The following CDK19 variants were observed in gnomAD, a reference collection of about 807,000 sequenced individuals.
CDK19 encodes the protein cyclin-dependent kinase 19.
Under a neutral mutation model 68.3 loss-of-function variants are expected in CDK19, and 20 were observed. The ratio of observed to expected loss-of-function variants is 0.29; its 90% CI spans 0.21 to 0.43. The LOEUF is 0.43. Among genes scored for constraint, CDK19 ranks in the 20% least tolerant of loss-of-function variants. The pLI, the probability that CDK19 is intolerant of heterozygous loss-of-function variation, is 1.00. For synonymous variants in CDK19, 221 were observed against 222.8 expected, an observed-to-expected ratio of 0.99 and a Z score of 0.07; for missense variants, 339 against 623.5, an observed-to-expected ratio of 0.54 and a Z score of 4.86.
chr6:110,654,960 GA>G (rs1202000947), intron 4 of CDK19, among the ~76,000 whole-genome samples: 1 of 150,694 alleles, frequency 6.6e-6, no homozygotes, highest in Non-Finnish European at 1.5e-5. Flanking sequence ...AAAAAAGAAA[GA>G]AAGAAAGAAC....
At chr6:110,645,663 G>A (rs976208301) in intron 4 of CDK19, 14 of 333,954 alleles carry the variant, frequency 4.2e-5, no homozygotes, top group African/African-American at 3.0e-4. Context: ...AAATCCAGGG[G>A]TGGATAAGAC....
rs539392894 is a variant in CDK19 at position 110,622,667 on chromosome 6, C to A, written c.1031+148G>T. On this transcript the variant is annotated intron_variant, in intron 10 of 12. Transcript: ENST00000368911. ...TCCCTCTCTGCAGCTTTGCCTGTTTCAAAATGTGGAAGCTTGCTCTTGAGC... is the reference window on the plus strand; with the variant it reads ...TCCCTCTCTGCAGCTTTGCCTGTTTAAAAATGTGGAAGCTTGCTCTTGAGC... 43 of 605,198 alleles carry A rather than the reference C, an allele frequency of 7.1e-5. No individual in the cohort carries two copies. The South Asian group carries it at 8.5e-4, about 12-fold the overall frequency. 37.5% of individuals were successfully genotyped at this position (605,198 alleles called of 1,614,324 possible).
chr6:110,755,605 G>T (rs567136499), intron 1 of CDK19, among the ~76,000 whole-genome samples: 2 of 152,134 alleles, frequency 1.3e-5, no homozygotes, highest in South Asian at 4.1e-4. Flanking sequence ...AAAGTCCAAA[G>T]ATTAAGATCC....
At chr6:110,782,373 A>G (rs1258898314) in intron 1 of CDK19, among the ~76,000 whole-genome samples, 1 of 152,176 alleles carries the variant, frequency 6.6e-6, no homozygotes, top group African/African-American at 2.4e-5. Context: ...TAGCTCCTAA[A>G]TAAATCCCTT....
At chr6:110,734,520 G>GCTCGCTCTCTCTCTCTCTCTCTCTCT (rs991736850) in intron 2 of CDK19, among the ~76,000 whole-genome samples, 27 of 85,776 alleles carry the variant, frequency 3.1e-4, no homozygotes, top group East Asian at 1.1e-3. Flanking sequence ...GGTGAGCACT[G>GCTCGCTCTCTCTCTCTCTCTCTCTCT]CTCTCTCTCT....
At chr6:110,746,012 A>G (rs985757252) in intron 2 of CDK19, 114 bp downstream of exon 2, 14 of 486,462 alleles carry the variant, frequency 2.9e-5, no homozygotes, top group Non-Finnish European at 4.5e-5. Flanking sequence ...ATATTCTTAA[A>G]CTAACATATG....
At chr6:110,637,825 C>T (rs1008663605) in intron 5 of CDK19, among the ~76,000 whole-genome samples, 22 of 151,910 alleles carry the variant, frequency 1.4e-4, no homozygotes, top group African/African-American at 5.1e-4. Context: ...ACTAAATACA[C>T]AAAAAAATTA....
intron 2 of CDK19, among the ~76,000 whole-genome samples, chr6:110,685,779 A>C (rs915041162): frequency 2.0e-5 from 3 of 152,220 alleles, no homozygotes; most frequent in African/African-American, 7.2e-5. Context: ...TTTCCTGTAA[A>C]TAATTTATTT....
chr6:110,635,107 A>G (rs1354453631), intron 5 of CDK19, among the ~76,000 whole-genome samples: 3 of 152,216 alleles, frequency 2.0e-5, no homozygotes, highest in Non-Finnish European at 4.4e-5. Context: ...TAAGGTTAGT[A>G]AAATTCTGGT....
At chr6:110,699,227 C>T (rs759448048) in intron 2 of CDK19, among the ~76,000 whole-genome samples, 56 of 152,040 alleles carry the variant, frequency 3.7e-4, no homozygotes, top group Non-Finnish European at 7.9e-4. Flanking sequence ...GAGTTCAAGA[C>T]CAGCCTCGAC....
At chr6:110,803,301 G>A (rs891883533) in intron 1 of CDK19, among the ~76,000 whole-genome samples, 12 of 152,254 alleles carry the variant, frequency 7.9e-5, no homozygotes, top group African/African-American at 2.4e-4. Context: ...GGATGGTCTC[G>A]ATCTCCTGAC....
At chr6:110,740,958 G>C (rs1471495565) in intron 2 of CDK19, among the ~76,000 whole-genome samples, 4 of 151,948 alleles carry the variant, frequency 2.6e-5, no homozygotes, top group Non-Finnish European at 2.9e-5. Flanking sequence ...TTTCACCAGA[G>C]GGGCTCAACA....
In CDK19 at chr6:110,723,148, A is replaced by C. The variant is rs1005267224; in HGVS notation, c.204+22978T>G. Among the ~76,000 whole-genome samples the C allele has an allele frequency of 4.9e-5, 5 of 101,454 alleles. 1 individual carries two copies. Among genetic ancestry groups the C allele is most frequent in the Non-Finnish European group, 1.0e-4 (4 of 38,888 alleles). The allele number at this position is 101,454 out of a possible 152,430, so 66.6% of individuals were successfully genotyped here. ...TCAAGGCTTTGTCAAAAAAAACAAA[A>C]AACAAAAAAAAAAACGCAGATTTGT... On this transcript the variant is annotated intron_variant, in intron 2 of 12. Transcript: ENST00000368911.
intron 1 of CDK19, among the ~76,000 whole-genome samples, chr6:110,790,067 T>C (rs894722739): frequency 1.3e-5 from 2 of 152,198 alleles, no homozygotes; most frequent in Non-Finnish European, 2.9e-5. Flanking sequence ...AGCACCAATA[T>C]ATCAGATGCT....
At chr6:110,814,392 C>A (rs1783395213) in intron 1 of CDK19, among the ~76,000 whole-genome samples, 1 of 152,254 alleles carries the variant, frequency 6.6e-6, no homozygotes, top group African/African-American at 2.4e-5. Context: ...AATGAGAAAC[C>A]CGGGACGCCG....
chr6:110,764,424 C>G (rs1779433325), intron 1 of CDK19, among the ~76,000 whole-genome samples: 1 of 152,132 alleles, frequency 6.6e-6, no homozygotes, highest in African/African-American at 2.4e-5. Context: ...ATCAATGGAA[C>G]AGAATAGAGA....
intron 1 of CDK19, among the ~76,000 whole-genome samples, chr6:110,787,434 T>A (rs1291443997): frequency 6.6e-6 from 1 of 150,624 alleles, no homozygotes; most frequent in Non-Finnish European, 1.5e-5. Flanking sequence ...ATGTTTTTTT[T>A]GTTTTGTTTT....
At chr6:110,780,523 T>C (rs2115029637) in intron 1 of CDK19, among the ~76,000 whole-genome samples, 1 of 152,198 alleles carries the variant, frequency 6.6e-6, no homozygotes, top group Non-Finnish European at 1.5e-5. Flanking sequence ...CGGTAATACT[T>C]AAACTTCCTA....
chr6:110,777,846 C>T (rs1190713020), intron 1 of CDK19, among the ~76,000 whole-genome samples: 1 of 152,194 alleles, frequency 6.6e-6, no homozygotes, highest in Admixed American at 6.5e-5. Context: ...CTACAACAAG[C>T]TTGAAGGCAT....
Sources: gnomAD v4.1 joint callset for allele counts (sites outside exome capture counted in the v4.1 genomes callset) on GRCh38, gnomAD v4.1.1 for gene constraint, MANE v1.5 for transcripts, NCBI Gene and HGNC (gene_info 2026-07-23, HGNC 2026-07-21) for gene names.